PIP4K2A: variants seen among roughly 807,000 people sequenced by gnomAD.
PIP4K2A encodes the protein phosphatidylinositol 5-phosphate 4-kinase type-2 alpha.
PIP4K2A carries 14 observed loss-of-function variants against 42.9 expected under a neutral mutation model. The observed-to-expected ratio is 0.33, with a 90% CI of 0.22 to 0.51. The LOEUF (loss-of-function observed/expected upper bound fraction) is 0.51. PIP4K2A is among the 20% of genes least tolerant of loss of function. PIP4K2A has a pLI of 0.97. For missense variants in PIP4K2A, 434 were observed against 519.8 expected (o/e 0.83, Z 1.61); for synonymous variants, 192 against 192.2 (o/e 1.00, Z 0.01).
At chr10:22,707,814 T>C (rs1833849105) in intron 1 of PIP4K2A, among the ~76,000 whole-genome samples, 1 of 152,190 alleles carries the variant, frequency 6.6e-6, no homozygotes, top group South Asian at 2.1e-4. Context: ...GGGTTCTTGA[T>C]GGGGTTCCAT....
At chr10:22,585,049 C>A (rs1326836941) in intron 4 of PIP4K2A, among the ~76,000 whole-genome samples, 1 of 152,148 alleles carries the variant, frequency 6.6e-6, no homozygotes. Flanking sequence ...CCAGTCAGAG[C>A]CCTGATGAAA....
intron 1 of PIP4K2A, among the ~76,000 whole-genome samples, chr10:22,675,953 T>G (rs1839549020): frequency 6.6e-6 from 1 of 152,236 alleles, no homozygotes; most frequent in African/African-American, 2.4e-5. Flanking sequence ...AAACTGTGGC[T>G]AGTATTTCTC....
At chr10:22,542,147 G>C (rs1367652241) in intron 7 of PIP4K2A, 100 bp from the exon 8 acceptor site, 45 of 1,086,974 alleles carry the variant, frequency 4.1e-5, no homozygotes, top group Non-Finnish European at 6.0e-5. Flanking sequence ...GAAGGCTGTG[G>C]GGTGGGGCAG....
intron 3 of PIP4K2A, among the ~76,000 whole-genome samples, chr10:22,604,908 C>A (rs943807076): frequency 6.6e-6 from 1 of 152,206 alleles, no homozygotes; most frequent in Admixed American, 6.5e-5. Context: ...CAGGTCCTGG[C>A]CCCTGCCCGC....
At chr10:22,547,816 G>A (rs1381505076) in intron 7 of PIP4K2A, among the ~76,000 whole-genome samples, 3 of 152,214 alleles carry the variant, frequency 2.0e-5, no homozygotes, top group Non-Finnish European at 4.4e-5. Flanking sequence ...GTGTGTTTGT[G>A]TGCAGAAAAA....
intron 1 of PIP4K2A, among the ~76,000 whole-genome samples, chr10:22,617,738 C>A (rs909380289): frequency 6.6e-6 from 1 of 151,936 alleles, no homozygotes; most frequent in Non-Finnish European, 1.5e-5. Flanking sequence ...GGAGGGGGAG[C>A]TATTTCATGG....
chr10:22,617,173 G>T (rs1282156871), intron 1 of PIP4K2A, among the ~76,000 whole-genome samples: 2 of 152,302 alleles, frequency 1.3e-5, no homozygotes, highest in East Asian at 3.9e-4. Context: ...GTTTTTTCGT[G>T]TGAGACTGGC....
chr10:22,645,081 T>C (rs1838852841), intron 1 of PIP4K2A, among the ~76,000 whole-genome samples: 1 of 152,238 alleles, frequency 6.6e-6, no homozygotes, highest in South Asian at 2.1e-4. Flanking sequence ...TCACTATAAT[T>C]GGTCAGAATT....
intron 3 of PIP4K2A, among the ~76,000 whole-genome samples, chr10:22,595,247 A>G (rs1027021212): frequency 2.0e-5 from 3 of 152,176 alleles, no homozygotes; most frequent in Non-Finnish European, 2.9e-5. Context: ...TCCCACCTCA[A>G]GATAAAGAAA....
intron 4 of PIP4K2A, among the ~76,000 whole-genome samples, chr10:22,587,629 C>A (rs9645524): frequency 6.6e-6 from 1 of 152,014 alleles, no homozygotes; most frequent in Non-Finnish European, 1.5e-5. Flanking sequence ...GGCCTGTGTC[C>A]GGTCACACAG....
chr10:22,552,715 A>T (rs566507709), intron 6 of PIP4K2A, among the ~76,000 whole-genome samples: 1 of 152,198 alleles, frequency 6.6e-6, no homozygotes, highest in Non-Finnish European at 1.5e-5. Context: ...CCTACACACA[A>T]AAACAGGAGA....
intron 3 of PIP4K2A, among the ~76,000 whole-genome samples, chr10:22,606,124 T>C (rs1837900785): frequency 7.5e-6 from 1 of 132,800 alleles, no homozygotes; most frequent in African/African-American, 2.8e-5. Flanking sequence ...CTGGGTAACA[T>C]AGTGAGACCC....
intron 1 of PIP4K2A, among the ~76,000 whole-genome samples, chr10:22,668,913 T>A (rs866002764): frequency 3.6e-4 from 55 of 152,370 alleles, no homozygotes; most frequent in Middle Eastern, 3.4e-3. Flanking sequence ...TGGGGATGTT[T>A]CTTCATGTTT....
rs539161782 is a variant in PIP4K2A, at chr10:22,714,393, G to A, written c.-67C>T. 14 of 1,154,514 alleles carry A rather than the reference G, an allele frequency of 1.2e-5. No homozygotes were observed. Among genetic ancestry groups the A allele is most frequent in the East Asian group, 1.1e-4 (3 of 26,798 alleles). The allele number at this position is 1,154,514 out of a possible 1,614,324, so 71.5% of individuals were successfully genotyped here. On this transcript the variant is annotated 5_prime_UTR_variant, in exon 1 of 10. Transcript: ENST00000376573. ...CGGGGACCCGCCCTCTCTACACCCCGGCCCGGGGAGGCAGCCGCATCCCCC... is the reference window on the plus strand; with the variant it reads ...CGGGGACCCGCCCTCTCTACACCCCAGCCCGGGGAGGCAGCCGCATCCCCC...
chr10:22,693,818 G>T (rs532809019), intron 1 of PIP4K2A: 68 of 148,088 alleles, frequency 4.6e-4, no homozygotes, highest in African/African-American at 1.5e-3. Context: ...AAGGGATTAG[G>T]AAAAAAAAAA....
chr10:22,569,224 T>C (rs1363194461), intron 5 of PIP4K2A, among the ~76,000 whole-genome samples: 5 of 152,260 alleles, frequency 3.3e-5, no homozygotes, highest in African/African-American at 1.2e-4. Flanking sequence ...GGGCCGATCT[T>C]CCATCCCCCT....
At chr10:22,645,646 C>A in intron 1 of PIP4K2A, among the ~76,000 whole-genome samples, 1 of 146,224 alleles carries the variant, frequency 6.8e-6, no homozygotes, top group East Asian at 2.0e-4. Flanking sequence ...GTTAAAGTAA[C>A]AAGTGGAAAA....
intron 4 of PIP4K2A, among the ~76,000 whole-genome samples, chr10:22,590,389 G>T (rs1197607345): frequency 6.6e-6 from 1 of 152,016 alleles, no homozygotes; most frequent in Non-Finnish European, 1.5e-5. Flanking sequence ...TAGTTGTTAC[G>T]TTATTTTTAT....
chr10:22,555,069 C>T (rs1836502554), intron 6 of PIP4K2A, among the ~76,000 whole-genome samples: 2 of 152,152 alleles, frequency 1.3e-5, no homozygotes, highest in Admixed American at 6.5e-5. Context: ...GGACGCCGTT[C>T]CCCCCGCAGC....
Sources: allele counts gnomAD v4.1 joint callset (sites outside exome capture counted in the v4.1 genomes callset), GRCh38; gene constraint gnomAD v4.1.1; transcripts MANE v1.5; gene names NCBI Gene and HGNC (gene_info 2026-07-23, HGNC 2026-07-21).